ABLIM2: variants seen among roughly 807,000 people sequenced by gnomAD.
ABLIM2 encodes the protein actin-binding LIM protein 2.
In ABLIM2, 53 loss-of-function variants were observed where a neutral mutation model predicts 97.7. The ratio of observed to expected loss-of-function variants is 0.54; its 90% CI spans 0.44 to 0.68. The LOEUF (loss-of-function observed/expected upper bound fraction) is 0.68. Among genes scored for constraint, ABLIM2 ranks in the 30% least tolerant of loss-of-function variants. ABLIM2 has a pLI of 0.00. For synonymous variants in ABLIM2, 361 were observed against 345.8 expected, an observed-to-expected ratio of 1.04 and a Z score of -0.49; for missense variants, 835 against 867.2, an observed-to-expected ratio of 0.96 and a Z score of 0.47.
intron 7 of ABLIM2, among the ~76,000 whole-genome samples, chr4:8,059,187 G>A (rs1409677566): frequency 6.6e-6 from 1 of 152,018 alleles, no homozygotes; most frequent in Non-Finnish European, 1.5e-5. Flanking sequence ...ATAACTCTAG[G>A]TGCCTGTCTG....
Position 8,032,765 on chromosome 4 carries a change from C to T in ABLIM2, c.1048-2989G>A, listed in dbSNP as rs143334766. On this transcript the variant is annotated intron_variant, in intron 10 of 20. Transcript: ENST00000447017. This position sits in a 1 kb window ranked among gnomAD's most constrained non-coding sequence, Gnocchi z 4.3. ...GCAGTTCCGTGACTGGCAGGCAACA[C>T]AGGCGCAAACACCCACACAGAGCCC... The T allele has an allele frequency of 2.1e-6, 3 of 1,399,114 alleles. No homozygotes were observed. Among genetic ancestry groups the T allele is most frequent in the East Asian group, 2.3e-5 (1 of 43,564 alleles). The allele number at this position is 1,399,114 out of a possible 1,614,324, so 86.7% of individuals were successfully genotyped here.
rs1246482300 is a variant in ABLIM2, at chr4:8,155,715, G to A, written c.10+2965C>T. On this transcript the variant is annotated intron_variant, in intron 1 of 20. Transcript: ENST00000447017. This position sits in a 1 kb window ranked among gnomAD's most constrained non-coding sequence, Gnocchi z 4.2. ...GGTAGGCTCTAACCAAGTCTGGCTG[G>A]GGTTTTCATAAGAACAGATTAGGAC... 1.3e-5 allele frequency among the ~76,000 whole-genome samples: 2 copies of A among 152,160 alleles called. No homozygotes were observed. Among genetic ancestry groups the A allele is most frequent in the Non-Finnish European group, 1.5e-5 (1 of 68,034 alleles).
At chr4:8,101,401 T>C (rs2152707835) in intron 2 of ABLIM2, among the ~76,000 whole-genome samples, 2 of 152,366 alleles carry the variant, frequency 1.3e-5, no homozygotes, top group Middle Eastern at 3.4e-3. Context: ...AAGGCCCACC[T>C]GTCTAGAGCT....
At chr4:8,145,051 G>A (rs904028722) in intron 1 of ABLIM2, among the ~76,000 whole-genome samples, 3 of 152,120 alleles carry the variant, frequency 2.0e-5, no homozygotes, top group African/African-American at 7.2e-5. Flanking sequence ...CGTGCCTCCT[G>A]TCTTATCCAA....
chr4:7,983,583 A>T, intron 18 of ABLIM2, 29 bp from the exon 19 acceptor site: 1 of 1,611,710 alleles, frequency 6.2e-7, no homozygotes, highest in Non-Finnish European at 8.5e-7. Context: ...GGAGACCACG[A>T]AATGGTTTAG....
At chr4:8,008,604 G>A (rs192330748) in intron 15 of ABLIM2, among the ~76,000 whole-genome samples, 1 of 152,328 alleles carries the variant, frequency 6.6e-6, no homozygotes, top group East Asian at 1.9e-4. Flanking sequence ...TCATGAATAC[G>A]TTGTTGGAAC....
At chr4:8,091,563 ATT>A (rs1446788920) in intron 3 of ABLIM2, among the ~76,000 whole-genome samples, 4 of 42,714 alleles carry the variant, frequency 9.4e-5, no homozygotes, top group Admixed American at 1.0e-3. Context: ...AATTATATAT[ATT>A]ATATATAATT....
chr4:7,993,931 C>G, intron 16 of ABLIM2: 1 of 514,464 alleles, frequency 1.9e-6, no homozygotes. Context: ...TTGAGACCTC[C>G]GAAGTAACCT....
intron 8 of ABLIM2, among the ~76,000 whole-genome samples, chr4:8,050,741 C>CG (rs71175453): frequency 0.22 from 33,568 of 152,082 alleles, 4,149 homozygotes; most frequent in African/African-American, 0.31. Context: ...CCAGGCCCTC[C>CG]GGACAGTTAG....
chr4:8,143,162 G>C (rs1447672119), intron 1 of ABLIM2, among the ~76,000 whole-genome samples: 16 of 148,630 alleles, frequency 1.1e-4, no homozygotes, highest in African/African-American at 3.0e-4. Flanking sequence ...GCGAGAGTGG[G>C]GGGGGGGGGC....
rs982708650 is a variant in ABLIM2, at chr4:8,072,662, G to A, written c.675+4966C>T. On this transcript the variant is annotated intron_variant, in intron 6 of 20. Transcript: ENST00000447017. This position sits in a 1 kb window ranked among gnomAD's most constrained non-coding sequence, Gnocchi z 5.8. ...GCACCCCGGGCTCCAGTCTGGCTCT[G>A]CCACCGACTCTCAGTGGCTGATGGC... 2.6e-5 allele frequency among the ~76,000 whole-genome samples: 4 copies of A among 152,336 alleles called. No individual in the cohort carries two copies. Among genetic ancestry groups the A allele is most frequent in the South Asian group, 4.1e-4 (2 of 4,830 alleles).
At position 8,021,843 on chromosome 4, in the gene ABLIM2, T is replaced by G. The variant is rs549126792; in HGVS notation, c.1268-1540A>C. On this transcript the variant is annotated intron_variant, in intron 12 of 20. Coordinates refer to ENST00000447017, the MANE Select transcript of ABLIM2 (RefSeq NM_001130083.2). The surrounding 1 kb of genome is among the most constrained non-coding windows in gnomAD (Gnocchi z 5.5). ...TTTGCCTGTCAATGCTGATGGAGCG[T>G]CAGATAACTGCCCTTCCCTTAGCAA... Among the ~76,000 whole-genome samples the G allele has an allele frequency of 1.3e-5, 2 of 152,318 alleles. No homozygotes were observed. The highest frequency in any genetic ancestry group is 1.5e-5 in the Non-Finnish European group (1 of 68,028).
chr4:7,972,113 G>A (rs1346869650), intron 20 of ABLIM2, among the ~76,000 whole-genome samples: 1 of 152,174 alleles, frequency 6.6e-6, no homozygotes, highest in Non-Finnish European at 1.5e-5. Flanking sequence ...CTGTCATAAT[G>A]ACGGTGGCCA....
rs1452006967 is a variant in ABLIM2 at position 8,122,425 on chromosome 4, G to C, written c.11-15788C>G. ...TCTCCCACAGTTCTGGAGCCTAAGA[G>C]TCTGATATTAGGGCAGCAGCATGCT... On this transcript the variant is annotated intron_variant, in intron 1 of 20. Coordinates refer to ENST00000447017, the MANE Select transcript of ABLIM2 (RefSeq NM_001130083.2). The surrounding 1 kb of genome is among the most constrained non-coding windows in gnomAD (Gnocchi z 4.1). Among the ~76,000 whole-genome samples, 1 of 152,228 alleles carries C rather than the reference G, an allele frequency of 6.6e-6. No individual in the cohort carries two copies.
intron 8 of ABLIM2, among the ~76,000 whole-genome samples, chr4:8,049,727 C>CATTTT (rs1203721446): frequency 1.3e-5 from 2 of 152,126 alleles, no homozygotes; most frequent in South Asian, 4.1e-4. Flanking sequence ...CCAATCAGAA[C>CATTTT]ATTTTATTTT....
In ABLIM2 at chr4:8,127,887, A is replaced by G. The variant is rs374235925; in HGVS notation, c.11-21250T>C. Among the ~76,000 whole-genome samples, 10 of 151,866 alleles carry G rather than the reference A, an allele frequency of 6.6e-5. No homozygotes were observed. The East Asian group carries it at 1.8e-3, about 27-fold the overall frequency. ...TGGTGGGGGTGGGGAGCATCTGCTG[A>G]CCCTTCCTCCATGTGTAGGGGCAGC... On this transcript the variant is annotated intron_variant, in intron 1 of 20. Transcript: ENST00000447017. This position sits in a 1 kb window ranked among gnomAD's most constrained non-coding sequence, Gnocchi z 7.3.
intron 1 of ABLIM2, among the ~76,000 whole-genome samples, chr4:8,154,609 C>T (rs1341386666): frequency 2.0e-5 from 3 of 152,190 alleles, no homozygotes; most frequent in African/African-American, 7.2e-5. Flanking sequence ...AGCATTTTCT[C>T]CTAACATTAG....
At chr4:8,008,625 C>T (rs1762877620) in intron 15 of ABLIM2, among the ~76,000 whole-genome samples, 2 of 152,232 alleles carry the variant, frequency 1.3e-5, no homozygotes, top group Non-Finnish European at 2.9e-5. Flanking sequence ...ACGGAGATGC[C>T]TGTTCGTGCC....
rs1758072916 is a variant in ABLIM2, at chr4:8,002,749, C to T, written c.1618+5310G>A. Reference sequence around the variant, plus strand: ...AGGCTTGAGTCCTCCCAAGGGCACACAAACTGCTCTGTGACCTGACGCATG... The same window carrying T: ...AGGCTTGAGTCCTCCCAAGGGCACATAAACTGCTCTGTGACCTGACGCATG... On this transcript the variant is annotated intron_variant, in intron 16 of 20. Coordinates refer to ENST00000447017, the MANE Select transcript of ABLIM2 (RefSeq NM_001130083.2). The surrounding 1 kb of genome is among the most constrained non-coding windows in gnomAD (Gnocchi z 6.1). Among the ~76,000 whole-genome samples, 1 of 152,206 alleles carries T rather than the reference C, an allele frequency of 6.6e-6. No homozygotes were observed. Among genetic ancestry groups the T allele is most frequent in the South Asian group, 2.1e-4 (1 of 4,828 alleles).
Sources: gnomAD v4.1 joint callset for allele counts (sites outside exome capture counted in the v4.1 genomes callset) on GRCh38, gnomAD v4.1.1 for gene constraint, Gnocchi (gnomAD v3.1) non-coding constraint, MANE v1.5 for transcripts, NCBI Gene and HGNC (gene_info 2026-07-23, HGNC 2026-07-21) for gene names.